The following PCDHGA8 variants were observed in gnomAD, a reference collection of about 807,000 sequenced individuals.
The protein encoded by PCDHGA8 is protocadherin gamma subfamily A, 8.
PCDHGA8 carries 45 observed loss-of-function variants against 59.2 expected under a neutral mutation model. That is an observed-to-expected ratio of 0.76 (90% confidence interval 0.60 to 0.98). PCDHGA8 has a LOEUF of 0.98. Among genes scored for constraint, PCDHGA8 ranks in the 50% least tolerant of loss-of-function variants. The pLI is 0.00. For synonymous variants in PCDHGA8, 531 were observed against 519.0 expected (o/e 1.02, Z -0.32); for missense variants, 1,257 against 1,196.2 (o/e 1.05, Z -0.75).
chr5:141,419,939 G>C, intron 1 of PCDHGA8: 6 of 1,614,054 alleles, frequency 3.7e-6, no homozygotes, highest in Admixed American at 1.7e-5. Flanking sequence ...TTACCTGGTG[G>C]TGGCCTTGGC....
At chr5:141,495,193 T>G (rs1471524188) in intron 2 of PCDHGA8, among the ~76,000 whole-genome samples, 2 of 152,192 alleles carry the variant, frequency 1.3e-5, no homozygotes, top group Non-Finnish European at 2.9e-5. Flanking sequence ...TCTATGCCCA[T>G]GTACTGCCTA....
chr5:141,393,077 C>T lies in PCDHGA8; in HGVS notation c.264C>T (p.Gly88=), dbSNP rs2150506328. The part of the protein sequence containing the change: ...NPRSGSLITA[G]RIDREELCAQ... ...GCAGCGGCAGCTTGATCACCGCGGG[C>T]AGGATAGATCGGGAGGAGCTCTGCG... is the stretch of plus-strand genomic sequence containing the variant. Residue 88 remains glycine, a synonymous_variant, in exon 1 of 4, where the codon GGC becomes GGT. Transcript: ENST00000398604. 1 of 1,613,710 alleles carries T rather than the reference C, an allele frequency of 6.2e-7. No homozygotes were observed. The highest frequency in any genetic ancestry group is 8.5e-7 in the Non-Finnish European group (1 of 1,179,914).
intron 1 of PCDHGA8, among the ~76,000 whole-genome samples, chr5:141,445,263 C>T (rs1170484721): frequency 1.3e-5 from 2 of 152,152 alleles, no homozygotes; most frequent in African/African-American, 2.4e-5. Context: ...GAATATAAGT[C>T]GAAACCACTC....
At position 141,477,368 on chromosome 5, in the gene PCDHGA8, G is replaced by A; in HGVS notation, c.2425-17439G>A. Reference sequence around the variant, plus strand: ...GAAAACCAGTGCAGACCTGGATCGGGAGACTGTGCCAGAATACAACCTCAG... The same window carrying A: ...GAAAACCAGTGCAGACCTGGATCGGAAGACTGTGCCAGAATACAACCTCAG... On this transcript the variant is annotated intron_variant, in intron 1 of 3. Coordinates refer to ENST00000398604, the MANE Select transcript of PCDHGA8 (RefSeq NM_032088.2). The surrounding 1 kb of genome is among the most constrained non-coding windows in gnomAD (Gnocchi z 4.9). 6.2e-7 allele frequency: 1 copy of A among 1,614,132 alleles called. No individual in the cohort carries two copies. Among genetic ancestry groups the A allele is most frequent in the Non-Finnish European group, 8.5e-7 (1 of 1,180,024 alleles).
At chr5:141,405,575 G>C in intron 1 of PCDHGA8, 1 of 598,040 alleles carries the variant, frequency 1.7e-6, no homozygotes. Flanking sequence ...GAGTAGAGTA[G>C]CTGGGACTAC....
rs1288071067 is a variant in PCDHGA8 at position 141,404,171 on chromosome 5, GC to G, written c.2424+8937del. ...AGAAGATTATTACAGATTGTTGACG[GC>G]CCAAATTCTTGACCGAGAAAAAGCC... On this transcript the variant is annotated intron_variant, in intron 1 of 3. Coordinates refer to ENST00000398604, the MANE Select transcript of PCDHGA8 (RefSeq NM_032088.2). 5.6e-6 allele frequency: 9 copies of G among 1,612,616 alleles called. No homozygotes were observed. The African/African-American group carries it at 9.4e-5, about 17-fold the overall frequency.
chr5:141,413,747 A>G (rs1208637349), intron 1 of PCDHGA8: 7 of 1,613,230 alleles, frequency 4.3e-6, no homozygotes, highest in African/African-American at 4.0e-5. Flanking sequence ...AGCCGTGCCA[A>G]TGGCGTCAAG....
At chr5:141,426,830 C>A (rs559240163) in intron 1 of PCDHGA8, 301 of 456,662 alleles carry the variant, frequency 6.6e-4, no homozygotes, top group African/African-American at 5.8e-3. Flanking sequence ...TGATGATGGA[C>A]AAGACTAAAG....
intron 1 of PCDHGA8, chr5:141,419,492 A>G: frequency 6.2e-7 from 1 of 1,612,358 alleles, no homozygotes; most frequent in South Asian, 1.1e-5. Flanking sequence ...GCTCAGCGCC[A>G]ATGTGAGCCT....
At chr5:141,420,237 C>A in intron 1 of PCDHGA8, 1 of 1,595,672 alleles carries the variant, frequency 6.3e-7, no homozygotes, top group Non-Finnish European at 8.6e-7. Context: ...AGCATTTTAA[C>A]TCCCAGCGTT....
In PCDHGA8 at chr5:141,491,652, G is replaced by A. The variant is rs370043428; in HGVS notation, c.2425-3155G>A. ...AGCAGCCCACAGCTCTGGCGCTGGAGCCTGACGCCATCCGGTCCCGCTCTA... is the reference window on the plus strand; with the variant it reads ...AGCAGCCCACAGCTCTGGCGCTGGAACCTGACGCCATCCGGTCCCGCTCTA... On this transcript the variant is annotated intron_variant, in intron 1 of 3. Transcript: ENST00000398604. This position sits in a 1 kb window ranked among gnomAD's most constrained non-coding sequence, Gnocchi z 6.9. 2 of 1,613,726 alleles carry A rather than the reference G, an allele frequency of 1.2e-6. No homozygotes were observed. Among genetic ancestry groups the A allele is most frequent in the African/African-American group, 1.3e-5 (1 of 74,944 alleles).
At chr5:141,450,730 G>A (rs1046738914) in intron 1 of PCDHGA8, among the ~76,000 whole-genome samples, 10 of 152,024 alleles carry the variant, frequency 6.6e-5, no homozygotes, top group Non-Finnish European at 1.2e-4. Flanking sequence ...CAGGTGATCC[G>A]CCCGCCTTGG....
chr5:141,464,970 G>A (rs550643230), intron 1 of PCDHGA8, among the ~76,000 whole-genome samples: 1 of 152,028 alleles, frequency 6.6e-6, no homozygotes, highest in East Asian at 1.9e-4. Flanking sequence ...TTGAACTACT[G>A]GCTTCAAGTG....
At chr5:141,453,475 A>C (rs2098766452) in intron 1 of PCDHGA8, among the ~76,000 whole-genome samples, 1 of 151,996 alleles carries the variant, frequency 6.6e-6, no homozygotes, top group Non-Finnish European at 1.5e-5. Context: ...ATAAAGTCAA[A>C]ACTATTAAAA....
chr5:141,455,795 C>T (rs1251703490), intron 1 of PCDHGA8, among the ~76,000 whole-genome samples: 1 of 151,960 alleles, frequency 6.6e-6, no homozygotes, highest in African/African-American at 2.4e-5. Flanking sequence ...TCCGGAGATG[C>T]TTTAAAAAAT....
At chr5:141,481,844 G>A (rs552753850) in intron 1 of PCDHGA8, among the ~76,000 whole-genome samples, 7 of 151,350 alleles carry the variant, frequency 4.6e-5, no homozygotes, top group Admixed American at 1.3e-4. Context: ...TCGCTTGATG[G>A]TGGAGGTTGC....
At position 141,431,555 on chromosome 5, in the gene PCDHGA8, G is replaced by A. The variant is rs2097394199; in HGVS notation, c.2424+36318G>A. On this transcript the variant is annotated intron_variant, in intron 1 of 3. Transcript: ENST00000398604. This position sits in a 1 kb window ranked among gnomAD's most constrained non-coding sequence, Gnocchi z 4.8. The stretch of plus-strand genomic sequence containing the variant: ...GGGCACGCAGCTGCTTGTAGTCAAC[G>A]CTACCGACCCTGACGAAGGAGTCAA... 1 of 1,614,014 alleles carries A rather than the reference G, an allele frequency of 6.2e-7. No individual in the cohort carries two copies. The highest frequency in any genetic ancestry group is 8.5e-7 in the Non-Finnish European group (1 of 1,180,032).
chr5:141,478,685 A>G, intron 1 of PCDHGA8: 3 of 1,551,308 alleles, frequency 1.9e-6, no homozygotes, highest in Non-Finnish European at 2.6e-6. Context: ...GGCCCTTCCT[A>G]GATCAAAGTT....
intron 1 of PCDHGA8, among the ~76,000 whole-genome samples, chr5:141,456,887 C>T (rs112521083): frequency 0.042 from 6,384 of 152,090 alleles, 167 homozygotes; most frequent in Middle Eastern, 0.088. Flanking sequence ...CGCTTGAACC[C>T]GGGAGGCAGA....
Sources: allele counts gnomAD v4.1 joint callset (sites outside exome capture counted in the v4.1 genomes callset), GRCh38; gene constraint gnomAD v4.1.1; non-coding constraint Gnocchi (gnomAD v3.1); transcripts MANE v1.5; gene names NCBI Gene and HGNC (gene_info 2026-07-23, HGNC 2026-07-21).